CFAP96: variants seen among roughly 807,000 people sequenced by gnomAD.
CFAP96 encodes cilia-and flagella-associated protein 96.
At chr4:185,412,171 A>C in the CFAP96 span, among the ~76,000 whole-genome samples, 16 of 152,210 alleles carry the variant, frequency 1.1e-4, no homozygotes, top group Non-Finnish European at 2.2e-4. Flanking sequence ...TTACATGATA[A>C]ATATGTAAAG....
chr4:185,427,334 T>C, the CFAP96 span, among the ~76,000 whole-genome samples: 4 of 152,234 alleles, frequency 2.6e-5, no homozygotes, highest in Non-Finnish European at 4.4e-5. Flanking sequence ...AAGGGCGTTG[T>C]ATTTAGTTAT....
the CFAP96 span, chr4:185,449,692 C>A: frequency 8.0e-7 from 1 of 1,244,696 alleles, no homozygotes; most frequent in Non-Finnish European, 1.1e-6. Context: ...GAGTAATTCA[C>A]TATCAAGAGC....
chr4:185,436,084 C>CATGG, the CFAP96 span: 1 of 1,550,748 alleles, frequency 6.4e-7, no homozygotes, highest in South Asian at 1.2e-5. Context: ...ATAGGTGGTC[C>CATGG]AGTCCCATTT....
the CFAP96 span, among the ~76,000 whole-genome samples, chr4:185,447,148 T>C: frequency 6.6e-6 from 1 of 152,122 alleles, no homozygotes; most frequent in Non-Finnish European, 1.5e-5. Flanking sequence ...ATGATAGTTA[T>C]TTTGTTACAT....
the CFAP96 span, chr4:185,422,586 C>A: frequency 6.6e-7 from 1 of 1,520,064 alleles, no homozygotes; most frequent in South Asian, 1.2e-5. Context: ...AAGATAAAGA[C>A]AAACTCCCTT....
At chr4:185,428,306 G>C in the CFAP96 span, among the ~76,000 whole-genome samples, 1 of 151,964 alleles carries the variant, frequency 6.6e-6, no homozygotes, top group South Asian at 2.1e-4. Context: ...GGGCGCGGTG[G>C]CTCATGCCTG....
chr4:185,423,862 G>C, the CFAP96 span, among the ~76,000 whole-genome samples: 2 of 152,010 alleles, frequency 1.3e-5, no homozygotes, highest in African/African-American at 4.8e-5. Flanking sequence ...GAAAGAGAGC[G>C]GGAGATTTCT....
the CFAP96 span, among the ~76,000 whole-genome samples, chr4:185,414,615 G>T: frequency 6.6e-6 from 1 of 152,104 alleles, no homozygotes; most frequent in South Asian, 2.1e-4. Context: ...TTCTAAGCGA[G>T]TCCACATATC....
the CFAP96 span, chr4:185,436,129 A>G: frequency 5.4e-5 from 84 of 1,551,330 alleles, no homozygotes; most frequent in Middle Eastern, 1.7e-4. Flanking sequence ...GAAAAATACA[A>G]GGCACCTGGA....
chr4:185,422,605 AAAC>A, the CFAP96 span: 1 of 1,312,764 alleles, frequency 7.6e-7, no homozygotes, highest in South Asian at 1.3e-5. Flanking sequence ...TTGTAAAACA[AAAC>A]AAACTCATAT....
At chr4:185,447,447 T>A in the CFAP96 span, among the ~76,000 whole-genome samples, 1 of 152,220 alleles carries the variant, frequency 6.6e-6, no homozygotes. Context: ...CCCAAAGTGC[T>A]GGGATTACAG....
the CFAP96 span, among the ~76,000 whole-genome samples, chr4:185,424,689 T>C: frequency 3.9e-5 from 6 of 152,226 alleles, no homozygotes; most frequent in Non-Finnish European, 8.8e-5. Context: ...AACTAGTATG[T>C]ACCCATTTAA....
the CFAP96 span, among the ~76,000 whole-genome samples, chr4:185,413,330 G>C: frequency 3.9e-5 from 6 of 152,196 alleles, no homozygotes; most frequent in African/African-American, 1.4e-4. Flanking sequence ...GGAGGTTGCA[G>C]TGAGCTGAGA....
chr4:185,441,951 A>G, the CFAP96 span, among the ~76,000 whole-genome samples: 2 of 152,142 alleles, frequency 1.3e-5, no homozygotes, highest in African/African-American at 2.4e-5. Flanking sequence ...ATTTTTAAAA[A>G]ATCAAGCTGT....
At chr4:185,429,255 G>GA in the CFAP96 span, 1 of 498,604 alleles carries the variant, frequency 2.0e-6, no homozygotes, top group Non-Finnish European at 3.5e-6. Flanking sequence ...CTCTCAGACT[G>GA]AAAGTAATTA....
At chr4:185,436,108 C>T in the CFAP96 span, 22 of 1,550,934 alleles carry the variant, frequency 1.4e-5, no homozygotes, top group South Asian at 2.5e-4. Context: ...AGCGCACAGT[C>T]AAAACCTCGA....
the CFAP96 span, chr4:185,429,348 A>G: frequency 1.1e-6 from 1 of 926,552 alleles, no homozygotes; most frequent in Non-Finnish European, 1.6e-6. Context: ...TTGCTATAAA[A>G]CACGTGACCC....
the CFAP96 span, among the ~76,000 whole-genome samples, chr4:185,420,731 G>C: frequency 6.6e-6 from 1 of 152,160 alleles, no homozygotes; most frequent in Middle Eastern, 3.2e-3. Context: ...AAACTGTGAA[G>C]CCTTTAAAGT....
At chr4:185,410,630 C>A in the CFAP96 span, among the ~76,000 whole-genome samples, 78 of 135,250 alleles carry the variant, frequency 5.8e-4, no homozygotes, top group Middle Eastern at 6.1e-3. Flanking sequence ...CCTGGGCAAC[C>A]GAGCAAGACT....
Sources: allele counts gnomAD v4.1 joint callset (sites outside exome capture counted in the v4.1 genomes callset), GRCh38; gene constraint gnomAD v4.1.1; transcripts MANE v1.5; gene names NCBI Gene and HGNC (gene_info 2026-07-23, HGNC 2026-07-21).